MYH1: variants seen among roughly 807,000 people sequenced by gnomAD.
MYH1 encodes the protein myosin heavy chain 1, also known as myosin-1.
MYH1 carries 214 observed loss-of-function variants against 225.6 expected under a neutral mutation model. The observed-to-expected ratio is 0.95, with a 90% CI of 0.85 to 1.06. The LOEUF (loss-of-function observed/expected upper bound fraction) is 1.06, where lower values mean the gene tolerates loss of function less well. Ranked by LOEUF, MYH1 falls within the 50% of genes least tolerant of loss-of-function variation. The pLI, the probability that MYH1 is intolerant of heterozygous loss-of-function variation, is 0.00. For missense variants in MYH1, 2,098 were observed against 2,344.2 expected (o/e 0.89, Z 2.17); for synonymous variants, 774 against 842.3 (o/e 0.92, Z 1.40).
chr17:10,514,003 G>A lies in MYH1; in HGVS notation c.648+7C>T. ...GAGCCTGGATTCTGACTAACAATCA[G>A]ACTCACCTGCATTTTGCCAGAAGTA... On this transcript the variant is annotated splice_region_variant and intron_variant, in intron 7 of 39. Coordinates refer to ENST00000226207, the MANE Select transcript of MYH1 (RefSeq NM_005963.4). 2 of 1,614,096 alleles carry A rather than the reference G, an allele frequency of 1.2e-6. No homozygotes were observed. Among genetic ancestry groups the A allele is most frequent in the South Asian group, 2.2e-5 (2 of 91,084 alleles).
Position 10,513,646 on chromosome 17 carries a change from G to A in MYH1, c.785C>T (p.Ala262Val), listed in dbSNP as rs1362031882. The change falls in exon 9 of 40, where the codon GCT (alanine) becomes GTT (valine). Residue 262 changes from alanine (A) to valine (V), a missense_variant. Ala to Val is a moderately conservative substitution (Grantham distance 64, BLOSUM62 0). Coordinates refer to ENST00000226207, the MANE Select transcript of MYH1 (RefSeq NM_005963.4). ...RIHFGTTGKLASADIETYLLE... is the reference protein window; with the variant it reads ...RIHFGTTGKLVSADIETYLLE... ...CTCACATGTTTCAATATCAGCAGAA[G>A]CCAGTTTCCCTGTGGTACCGAAGTG... 2 of 1,614,100 alleles carry A rather than the reference G, an allele frequency of 1.2e-6. No individual in the cohort carries two copies. The highest frequency in any genetic ancestry group is 3.3e-5 in the Admixed American group (2 of 60,026).
intron 28 of MYH1, among the ~76,000 whole-genome samples, 185 bp from the exon 29 acceptor site, chr17:10,499,277 T>A (rs547677888): frequency 6.6e-6 from 1 of 151,108 alleles, no homozygotes; most frequent in South Asian, 2.2e-4. Flanking sequence ...CATGGAGAAA[T>A]TTGAGGCAGA....
At chr17:10,494,815 G>A (rs1273977774) in intron 37 of MYH1, 116 bp downstream of exon 37, 2 of 1,593,956 alleles carry the variant, frequency 1.3e-6, no homozygotes, top group Non-Finnish European at 1.7e-6. Flanking sequence ...TTTTGGGCAT[G>A]AGGGAATAGC....
Position 10,508,356 on chromosome 17 carries a change from T to G in MYH1, c.1897+7A>C. On this transcript the variant is annotated splice_region_variant and intron_variant, in intron 16 of 39. Coordinates refer to ENST00000226207, the MANE Select transcript of MYH1 (RefSeq NM_005963.4). ...TTAGGTAAAAGATTAATTATATTGA[T>G]AATTACCTGCTTCCGCTCCCGTTGC... The G allele has an allele frequency of 6.3e-7, 1 of 1,590,512 alleles. No homozygotes were observed. Among genetic ancestry groups the G allele is most frequent in the Non-Finnish European group, 8.5e-7 (1 of 1,169,772 alleles).
intron 33 of MYH1, 76 bp from the exon 34 acceptor site, chr17:10,496,625 T>C: frequency 6.3e-7 from 1 of 1,594,452 alleles, no homozygotes; most frequent in Non-Finnish European, 8.6e-7. Context: ...TGATTTATCA[T>C]TCATGAAACC....
intron 39 of MYH1, 78 bp downstream of exon 39, chr17:10,494,276 C>T: frequency 7.3e-7 from 1 of 1,362,806 alleles, no homozygotes; most frequent in South Asian, 1.3e-5. Context: ...TCATTTTACT[C>T]ATCTTTTCTT....
Position 10,508,073 on chromosome 17 carries a change from C to T in MYH1, c.1898-117G>A, listed in dbSNP as rs1450546289. ...ACTCTTGGTTGCCCAGGCTGGAGTG[C>T]AGTGGCGTGATCTCGGCTCACTGCA... On this transcript the variant is annotated intron_variant, in intron 16 of 39. Coordinates refer to ENST00000226207, the MANE Select transcript of MYH1 (RefSeq NM_005963.4). 9 of 860,228 alleles carry T rather than the reference C, an allele frequency of 1.0e-5. No homozygotes were observed. The South Asian group carries it at 1.3e-4, about 13-fold the overall frequency. The allele number at this position is 860,228 out of a possible 1,614,324, so 53.3% of individuals were successfully genotyped here. A position where few individuals can be genotyped will look rare whatever the true frequency, so the allele number is the denominator to read the frequency against.
At chr17:10,507,824 C>T in intron 17 of MYH1, 62 bp downstream of exon 17, 1 of 1,433,124 alleles carries the variant, frequency 7.0e-7, no homozygotes, top group South Asian at 1.2e-5. Flanking sequence ...GTTTTTTCCC[C>T]CACACCATAG....
At position 10,501,678 on chromosome 17, in the gene MYH1, C is replaced by T; in HGVS notation, c.3264G>A (p.Glu1088=). 1.2e-6 allele frequency: 2 copies of T among 1,614,206 alleles called. No individual in the cohort carries two copies. The highest frequency in any genetic ancestry group is 8.5e-7 in the Non-Finnish European group (1 of 1,180,032). Reference sequence around the variant, plus strand: ...TGCTTTGCAGACCGCTCATTTCAAACTCTTTCCTATTAGAAAAGCCCTTTA... The same window carrying T: ...TGCTTTGCAGACCGCTCATTTCAAATTCTTTCCTATTAGAAAAGCCCTTTA... ...QQLDEKLKKK[E]FEMSGLQSKI... is the part of the protein sequence containing the mutation. Residue 1088 remains glutamate, a synonymous_variant, in exon 26 of 40, where the codon GAG becomes GAA. Coordinates refer to ENST00000226207, the MANE Select transcript of MYH1 (RefSeq NM_005963.4).
At chr17:10,517,167 G>A (rs1426898246) in intron 2 of MYH1, among the ~76,000 whole-genome samples, 1 of 152,164 alleles carries the variant, frequency 6.6e-6, no homozygotes, top group Admixed American at 6.6e-5. Context: ...CTGGCTTGGT[G>A]AATTAAAAGA....
Position 10,516,425 on chromosome 17 carries a change from G to T in MYH1, c.204+14C>A, listed in dbSNP as rs778636831. 1 of 1,614,206 alleles carries T rather than the reference G, an allele frequency of 6.2e-7. No homozygotes were observed. The highest frequency in any genetic ancestry group is 1.3e-5 in the African/African-American group (1 of 75,048). ...TGAGGCAGAGTCTAATCAGCTCCAGGTGTTTTTACTCACAGCTCCAGCTTC... is the reference window on the plus strand; with the variant it reads ...TGAGGCAGAGTCTAATCAGCTCCAGTTGTTTTTACTCACAGCTCCAGCTTC... On this transcript the variant is annotated intron_variant, in intron 3 of 39. Coordinates refer to ENST00000226207, the MANE Select transcript of MYH1 (RefSeq NM_005963.4).
Position 10,516,679 on chromosome 17 carries a change from C to G in MYH1, c.-37G>C. 6.2e-7 allele frequency: 1 copy of G among 1,609,656 alleles called. No homozygotes were observed. Among genetic ancestry groups the G allele is most frequent in the Non-Finnish European group, 8.5e-7 (1 of 1,176,606 alleles). On this transcript the variant is annotated 5_prime_UTR_variant, in exon 3 of 40. Transcript: ENST00000226207. Reference sequence around the variant, plus strand: ...ATTGATGGTAGCCCAGTTAAGGACCCTGGCTGGGAGAGGAAGAAAAGAAAT... The same window carrying G: ...ATTGATGGTAGCCCAGTTAAGGACCGTGGCTGGGAGAGGAAGAAAAGAAAT...
At position 10,505,867 on chromosome 17, in the gene MYH1, G is replaced by A. The variant is rs1183830377; in HGVS notation, c.2119C>T (p.Arg707Cys). Residue 707 changes from arginine to cysteine, a missense_variant, in exon 19 of 40, where the codon CGC (arginine) becomes TGC (cysteine). By Grantham distance (180) the Arg-to-Cys change is radical. Coordinates refer to ENST00000226207, the MANE Select transcript of MYH1 (RefSeq NM_005963.4). ...CTTGGGAAGCCTTTCCTGCAGATGC[G>A]GATGCCTTCCAGCACACCGTTACAC... is the stretch of plus-strand genomic sequence containing the variant. ...LRCNGVLEGIRICRKGFPSRI... is the reference protein window; with the variant it reads ...LRCNGVLEGICICRKGFPSRI... 22 of 1,613,958 alleles carry A rather than the reference G, an allele frequency of 1.4e-5. No individual in the cohort carries two copies. Among genetic ancestry groups the A allele is most frequent in the Admixed American group, 1.7e-5 (1 of 59,996 alleles).
rs1327476337 is a variant in MYH1 at position 10,497,670 on chromosome 17, A to G, written c.4365+64T>C. On this transcript the variant is annotated intron_variant, in intron 31 of 39. Transcript: ENST00000226207. ...CCCTCAGATGGTTTGAATTGGGCAC[A>G]CTGAAGGTAGCAGGCTATTGTTAAT... is the stretch of plus-strand genomic sequence containing the variant. 4 of 1,596,934 alleles carry G rather than the reference A, an allele frequency of 2.5e-6. No individual in the cohort carries two copies. In the South Asian group the frequency reaches 3.3e-5, roughly 13 times the overall value.
chr17:10,496,929 A>G (rs994594455), intron 33 of MYH1, 140 bp downstream of exon 33: 11 of 1,117,600 alleles, frequency 9.8e-6, no homozygotes, highest in East Asian at 2.4e-5. Flanking sequence ...TGTTGGTTGT[A>G]TGCATGATCA....
At chr17:10,498,896 A>T in intron 29 of MYH1, 74 bp from the exon 30 acceptor site, 1 of 1,605,184 alleles carries the variant, frequency 6.2e-7, no homozygotes, top group Non-Finnish European at 8.5e-7. Flanking sequence ...CCTATAGGCC[A>T]CCAGAAGAAA....
chr17:10,513,036 G>A, intron 9 of MYH1, 71 bp from the exon 10 acceptor site: 1 of 1,029,904 alleles, frequency 9.7e-7, no homozygotes, highest in Non-Finnish European at 1.5e-6. Flanking sequence ...TGAGGACTTG[G>A]GATCATTAGC....
In MYH1 at chr17:10,500,680, G is replaced by A. The variant is rs1203341157; in HGVS notation, c.3811C>T (p.Gln1271Ter). ...SEIKTKEEEQ[Q>*]RLINDLTAQR... is the part of the protein sequence containing the mutation. Reference sequence around the variant, plus strand: ...GCTGTGAGGTCATTGATCAGCCGCTGCTGCTCCTCTTCCTTGGTCTTAATT... The same window carrying A: ...GCTGTGAGGTCATTGATCAGCCGCTACTGCTCCTCTTCCTTGGTCTTAATT... Residue 1271 changes from glutamine to a stop codon, truncating the protein, a stop_gained, in exon 28 of 40, where the codon CAG (glutamine) becomes TAG (stop). Coordinates refer to ENST00000226207, the MANE Select transcript of MYH1 (RefSeq NM_005963.4). LOFTEE classifies it high-confidence loss of function. 2 of 1,614,100 alleles carry A rather than the reference G, an allele frequency of 1.2e-6. No individual in the cohort carries two copies. Among genetic ancestry groups the A allele is most frequent in the South Asian group, 1.1e-5 (1 of 91,072 alleles).
chr17:10,510,464 T>C (rs1235187923), intron 14 of MYH1, among the ~76,000 whole-genome samples: 1 of 152,118 alleles, frequency 6.6e-6, no homozygotes, highest in African/African-American at 2.4e-5. Flanking sequence ...TGTAAGACCA[T>C]GGTAGTAAGG....
Sources: gnomAD v4.1 joint callset for allele counts (sites outside exome capture counted in the v4.1 genomes callset) on GRCh38, gnomAD v4.1.1 for gene constraint, MANE v1.5 for transcripts, NCBI Gene and HGNC (gene_info 2026-07-23, HGNC 2026-07-21) for gene names.